The following MSRA variants were observed in gnomAD, a reference collection of about 807,000 sequenced individuals.
The protein encoded by MSRA is methionine sulfoxide reductase A.
A neutral mutation model predicts 31.3 loss-of-function variants in MSRA; 54 were observed. That is an observed-to-expected ratio of 1.73 (90% CI 1.39 to 2.17). The LOEUF (loss-of-function observed/expected upper bound fraction) is 2.17. MSRA is among the 30% of genes most tolerant of loss of function. The probability of loss-of-function intolerance (pLI) is 0.00; values close to 1 mark genes in which losing one functional copy is unlikely to be tolerated. For synonymous variants in MSRA, 169 were observed against 116.5 expected (o/e 1.45, Z -2.90); for missense variants, 507 against 300.9 (o/e 1.69, Z -5.07).
At chr8:10,090,380 T>G (rs1563422970) in intron 1 of MSRA, among the ~76,000 whole-genome samples, 1 of 152,320 alleles carries the variant, frequency 6.6e-6, no homozygotes, top group East Asian at 1.9e-4. Flanking sequence ...TAGAATTAGC[T>G]GGGCAGATTC....
In MSRA at chr8:10,064,473, T is replaced by C. The variant is rs533266534; in HGVS notation, c.142+9815T>C. Among the ~76,000 whole-genome samples the C allele has an allele frequency of 2.6e-4, 39 of 152,296 alleles. 1 individual carries two copies. The highest frequency in any genetic ancestry group is 9.4e-4 in the African/African-American group (39 of 41,558). On this transcript the variant is annotated intron_variant, in intron 1 of 5. Transcript: ENST00000317173. ...GGTATATTCCTAATCCACTAACTTG[T>C]TGAACAAGTATATTAAATTGGCATC...
chr8:10,153,466 C>T (rs571126803), intron 1 of MSRA, among the ~76,000 whole-genome samples: 1 of 152,272 alleles, frequency 6.6e-6, no homozygotes, highest in Non-Finnish European at 1.5e-5. Flanking sequence ...TCTTTATCCT[C>T]GGAGGAGAAT....
chr8:10,406,130 T>G (rs1807801665), intron 5 of MSRA, among the ~76,000 whole-genome samples: 1 of 152,244 alleles, frequency 6.6e-6, no homozygotes, highest in Non-Finnish European at 1.5e-5. Context: ...TGACTCTCCC[T>G]GTATCCGACT....
At chr8:10,395,086 C>A (rs959862454) in intron 5 of MSRA, among the ~76,000 whole-genome samples, 1 of 152,154 alleles carries the variant, frequency 6.6e-6, no homozygotes. Context: ...TGTGTGTAAG[C>A]GTAGCAGGAA....
intron 1 of MSRA, among the ~76,000 whole-genome samples, chr8:10,189,448 C>G (rs1428816308): frequency 6.6e-6 from 1 of 152,112 alleles, no homozygotes; most frequent in Non-Finnish European, 1.5e-5. Flanking sequence ...AACGTTCGGT[C>G]TGTTACCATA....
chr8:10,261,538 C>G (rs192982327), intron 3 of MSRA, among the ~76,000 whole-genome samples: 5 of 151,990 alleles, frequency 3.3e-5, no homozygotes, highest in East Asian at 1.9e-4. Flanking sequence ...TTCTACAAAA[C>G]CTTTTTTTTA....
At chr8:10,246,324 C>T (rs1018934560) in intron 3 of MSRA, among the ~76,000 whole-genome samples, 1 of 152,112 alleles carries the variant, frequency 6.6e-6, no homozygotes, top group African/African-American at 2.4e-5. Flanking sequence ...AATTCTGTCT[C>T]GAATACCAGA....
chr8:10,265,622 A>G (rs1302194319), intron 3 of MSRA, among the ~76,000 whole-genome samples: 1 of 152,200 alleles, frequency 6.6e-6, no homozygotes, highest in East Asian at 1.9e-4. Flanking sequence ...AGTGATCTAT[A>G]TTAAAGTACA....
intron 1 of MSRA, among the ~76,000 whole-genome samples, chr8:10,060,681 T>C (rs767739341): frequency 3.9e-5 from 6 of 152,028 alleles, no homozygotes; most frequent in Non-Finnish European, 7.4e-5. Context: ...CAAGTACATC[T>C]TTTTTCTGCA....
chr8:10,106,492 G>A (rs138085389), intron 1 of MSRA, among the ~76,000 whole-genome samples: 1 of 152,006 alleles, frequency 6.6e-6, no homozygotes, highest in East Asian at 1.9e-4. Context: ...AATAATGACT[G>A]TTGTTTAATT....
chr8:10,178,731 A>G (rs189442487), intron 1 of MSRA, among the ~76,000 whole-genome samples: 12 of 152,298 alleles, frequency 7.9e-5, no homozygotes, highest in African/African-American at 2.9e-4. Flanking sequence ...GTAGGCTGTG[A>G]TGTTGAAAGA....
chr8:10,377,238 C>T (rs1427532170), intron 5 of MSRA, among the ~76,000 whole-genome samples: 7 of 152,246 alleles, frequency 4.6e-5, no homozygotes, highest in Non-Finnish European at 5.9e-5. Flanking sequence ...CGTGGCTTAA[C>T]GTTAATTACA....
At chr8:10,070,971 G>T (rs578034253) in intron 1 of MSRA, among the ~76,000 whole-genome samples, 1 of 152,192 alleles carries the variant, frequency 6.6e-6, no homozygotes, top group Non-Finnish European at 1.5e-5. Flanking sequence ...TCATGTCCAG[G>T]TTTTTGTGTG....
chr8:10,086,533 C>G (rs942363501), intron 1 of MSRA, among the ~76,000 whole-genome samples: 5 of 152,158 alleles, frequency 3.3e-5, no homozygotes, highest in African/African-American at 1.2e-4. Flanking sequence ...ATGGTCTGGA[C>G]AAGTCACATA....
intron 1 of MSRA, among the ~76,000 whole-genome samples, chr8:10,099,328 C>G (rs945765216): frequency 6.6e-6 from 1 of 152,208 alleles, no homozygotes; most frequent in Non-Finnish European, 1.5e-5. Flanking sequence ...TGGGTATACA[C>G]TGCTGAGGTC....
intron 1 of MSRA, among the ~76,000 whole-genome samples, chr8:10,057,996 T>G (rs1051270904): frequency 3.3e-5 from 5 of 152,246 alleles, no homozygotes; most frequent in Admixed American, 1.3e-4. Context: ...ATCTTACCTT[T>G]TTATAGAGTA....
intron 1 of MSRA, among the ~76,000 whole-genome samples, chr8:10,115,037 A>G (rs1032029672): frequency 1.3e-5 from 2 of 152,246 alleles, no homozygotes; most frequent in African/African-American, 2.4e-5. Context: ...GGAATGGAAT[A>G]AACCAGTGGA....
chr8:10,148,560 T>A (rs1049450808), intron 1 of MSRA, among the ~76,000 whole-genome samples: 1 of 151,538 alleles, frequency 6.6e-6, no homozygotes, highest in Admixed American at 6.6e-5. Context: ...GGCAGGAGAA[T>A]CTCTTGAACC....
At chr8:10,411,922 C>T (rs1207051349) in intron 5 of MSRA, among the ~76,000 whole-genome samples, 1 of 152,186 alleles carries the variant, frequency 6.6e-6, no homozygotes, top group African/African-American at 2.4e-5. Flanking sequence ...TGGACACCGC[C>T]CCTGGGAAGG....
Sources: allele counts gnomAD v4.1 joint callset (sites outside exome capture counted in the v4.1 genomes callset), GRCh38; gene constraint gnomAD v4.1.1; transcripts MANE v1.5; gene names NCBI Gene and HGNC (gene_info 2026-07-23, HGNC 2026-07-21).